The following DNAJB1 variants were observed in gnomAD, a reference collection of about 807,000 sequenced individuals.
DNAJB1 encodes the protein dnaJ homolog subfamily B member 1.
DNAJB1 carries 14 observed loss-of-function variants against 24.0 expected under a neutral mutation model. That is an observed-to-expected ratio of 0.58 (90% CI 0.39 to 0.91). DNAJB1 has a LOEUF of 0.91. Among genes scored for constraint, DNAJB1 ranks in the 40% least tolerant of loss-of-function variants. The pLI, the probability that DNAJB1 is intolerant of heterozygous loss-of-function variation, is 0.00. For missense variants in DNAJB1, 517 were observed against 458.1 expected (o/e 1.13, Z -1.17); for synonymous variants, 262 against 174.4 (o/e 1.50, Z -3.96).
chr19:14,553,048 A>G (rs1463460404), upstream of DNAJB1, among the ~76,000 whole-genome samples: 4 of 151,984 alleles, frequency 2.6e-5, no homozygotes, highest in African/African-American at 9.7e-5. Context: ...GGGCAGGCCC[A>G]GGGCTGAGAC....
intron 2 of DNAJB1, among the ~76,000 whole-genome samples, chr19:14,525,523 G>A (rs2072410542): frequency 6.6e-6 from 1 of 152,140 alleles, no homozygotes; most frequent in Non-Finnish European, 1.5e-5. Context: ...CAACATTACA[G>A]ATGAACCTCA....
chr19:14,557,136 T>A (rs574067400), intron 1 of DNAJB1, among the ~76,000 whole-genome samples: 112 of 150,362 alleles, frequency 7.4e-4, no homozygotes, highest in Middle Eastern at 3.4e-3. Context: ...TTTATTTATT[T>A]ATTTATTTAT....
chr19:14,540,945 T>C (rs2073076174), intron 1 of DNAJB1, among the ~76,000 whole-genome samples: 2 of 152,052 alleles, frequency 1.3e-5, no homozygotes, highest in Admixed American at 1.3e-4. Context: ...AGCCATTCTT[T>C]TGCCTCAGGC....
At chr19:14,517,969 C>A (rs1388958203) in intron 1 of DNAJB1, 170 bp downstream of exon 1, 13 of 633,222 alleles carry the variant, frequency 2.1e-5, no homozygotes, top group Admixed American at 4.3e-5. Flanking sequence ...CTCCTCCTCC[C>A]ACCGCGCGGC....
In DNAJB1 at chr19:14,515,581, T is replaced by C. The variant is rs565359587; in HGVS notation, c.*359A>G. 12 of 264,298 alleles carry C rather than the reference T, an allele frequency of 4.5e-5. No homozygotes were observed. The South Asian group carries it at 5.2e-4, about 11-fold the overall frequency. The allele number at this position is 264,298 out of a possible 1,614,324, so 16.4% of individuals were successfully genotyped here. A position where few individuals can be genotyped will look rare whatever the true frequency, so the allele number is the denominator to read the frequency against. On this transcript the variant is annotated 3_prime_UTR_variant, in exon 3 of 3. Coordinates refer to ENST00000254322, the MANE Select transcript of DNAJB1 (RefSeq NM_006145.3). ...ATCAAGACTGCAGGTTGACATTATCTACCAGCCAGAAGCAAAAAGACACAG... is the reference window on the plus strand; with the variant it reads ...ATCAAGACTGCAGGTTGACATTATCCACCAGCCAGAAGCAAAAAGACACAG...
chr19:14,529,978 C>T, upstream of DNAJB1: 1 of 564,000 alleles, frequency 1.8e-6, no homozygotes, highest in Non-Finnish European at 3.2e-6. Flanking sequence ...TTGCAGGTTC[C>T]TTGCAGCTCC....
At chr19:14,522,915 G>C (rs2072378938), upstream of DNAJB1, among the ~76,000 whole-genome samples, 1 of 151,960 alleles carries the variant, frequency 6.6e-6, no homozygotes, top group East Asian at 1.9e-4. Flanking sequence ...CCATAAATTG[G>C]AGATAAGAGT....
At chr19:14,529,913 C>G, upstream of DNAJB1, 1 of 740,964 alleles carries the variant, frequency 1.3e-6, no homozygotes. Flanking sequence ...AAATCTGCAA[C>G]CCAGGCTGTT....
intron 1 of DNAJB1, among the ~76,000 whole-genome samples, chr19:14,540,470 G>A: frequency 6.6e-6 from 1 of 150,926 alleles, no homozygotes; most frequent in Non-Finnish European, 1.5e-5. Flanking sequence ...TTGGCTCTCT[G>A]CAACCTCTGC....
At chr19:14,534,752 T>C (rs774970589), upstream of DNAJB1, among the ~76,000 whole-genome samples, 9 of 152,066 alleles carry the variant, frequency 5.9e-5, no homozygotes, top group Non-Finnish European at 5.9e-5. Context: ...GTGAGTCTTA[T>C]TAGCACCTGA....
chr19:14,543,419 ATTTTTTTTTTTTTTTTTTTTTTT>A (rs1169742953), intron 1 of DNAJB1, among the ~76,000 whole-genome samples: 659 of 21,806 alleles, frequency 0.03, 19 homozygotes, highest in Admixed American at 0.059. Context: ...ATATATATAT[ATTTTTTTTTTTTTTTTTTTTTTT>A]TTTTTTTTTT....
chr19:14,531,693 A>G (rs2072672586), upstream of DNAJB1: 1 of 152,214 alleles, frequency 6.6e-6, no homozygotes, highest in South Asian at 2.1e-4. Flanking sequence ...GAGTGCTGGG[A>G]TTACAGGCAT....
chr19:14,558,025 C>T (rs577482922), intron 1 of DNAJB1, among the ~76,000 whole-genome samples: 5 of 151,698 alleles, frequency 3.3e-5, no homozygotes, highest in Non-Finnish European at 7.4e-5. Flanking sequence ...AAAGTGCTGG[C>T]ATTACAGGCG....
At position 14,528,538 on chromosome 19, in the gene DNAJB1, T is replaced by C. The variant is rs1046076287; in HGVS notation, c.-175+672A>G. ...CAGGTGTGAGCCATCGTTCCCGGCC[T>C]GGACCAGCCCCATTTCAAGGGCTCA... On this transcript the variant is annotated intron_variant, in intron 1 of 3. Transcript: ENST00000396969. 7.9e-5 allele frequency among the ~76,000 whole-genome samples: 12 copies of C among 152,176 alleles called. 1 individual carries two copies. Among genetic ancestry groups the C allele is most frequent in the South Asian group, 4.1e-4 (2 of 4,820 alleles).
chr19:14,550,575 C>T (rs1055098946), upstream of DNAJB1, among the ~76,000 whole-genome samples: 1 of 152,168 alleles, frequency 6.6e-6, no homozygotes, highest in African/African-American at 2.4e-5. Flanking sequence ...TGCAGGGATG[C>T]AGTTCTGGAC....
upstream of DNAJB1, among the ~76,000 whole-genome samples, chr19:14,521,785 C>G (rs1369373481): frequency 6.6e-6 from 1 of 152,130 alleles, no homozygotes; most frequent in Non-Finnish European, 1.5e-5. Context: ...CCATGCCTGG[C>G]TAATTTTTGT....
upstream of DNAJB1, among the ~76,000 whole-genome samples, chr19:14,552,522 C>G (rs1285753989): frequency 6.6e-6 from 1 of 151,420 alleles, no homozygotes; most frequent in East Asian, 1.9e-4. Flanking sequence ...GCATCACAGT[C>G]TTTTTCTTTT....
In DNAJB1 at chr19:14,515,980, T is replaced by TG; in HGVS notation, c.982dup (p.Gln328ProfsTer8). On this transcript the variant is annotated frameshift_variant, in exon 3 of 3. Transcript: ENST00000254322. LOFTEE classifies it high-confidence loss of function. ...CTGCTCAAGTACGGTTCTTGATGTCTGGGGAATCCTTTCGGGGAAGATCAC... is the reference window on the plus strand; with the variant it reads ...CTGCTCAAGTACGGTTCTTGATGTCTGGGGGAATCCTTTCGGGGAAGATCAC... The TG allele has an allele frequency of 6.2e-7, 1 of 1,610,586 alleles. No individual in the cohort carries two copies. Among genetic ancestry groups the TG allele is most frequent in the Non-Finnish European group, 8.5e-7 (1 of 1,179,014 alleles).
At chr19:14,529,672 G>C, upstream of DNAJB1, 4 of 1,613,834 alleles carry the variant, frequency 2.5e-6, no homozygotes, top group Non-Finnish European at 3.4e-6. Context: ...CAGCCGCGGA[G>C]CAGTAGCCGC....
Sources: allele counts gnomAD v4.1 joint callset (sites outside exome capture counted in the v4.1 genomes callset), GRCh38; gene constraint gnomAD v4.1.1; transcripts MANE v1.5; gene names NCBI Gene and HGNC (gene_info 2026-07-23, HGNC 2026-07-21).